Variants in EPHB1 observed in about 807,000 individuals in gnomAD.
EPHB1 encodes EPH receptor B1, also known as ephrin type-B receptor 1.
Under a neutral mutation model 94.4 loss-of-function variants are expected in EPHB1, and 30 were observed. That is an observed-to-expected ratio of 0.32 (90% CI 0.24 to 0.43). The LOEUF is 0.43. Among genes scored for constraint, EPHB1 ranks in the 20% least tolerant of loss-of-function variants. EPHB1 has a pLI of 1.00. For missense variants in EPHB1, 1,055 were observed against 1,308.3 expected (o/e 0.81, Z 2.99); for synonymous variants, 522 against 489.1 (o/e 1.07, Z -0.89).
intron 1 of EPHB1, among the ~76,000 whole-genome samples, chr3:134,857,785 C>G (rs573089826): frequency 1.3e-5 from 2 of 152,294 alleles, no homozygotes; most frequent in East Asian, 3.9e-4. Context: ...CTTTATTCCC[C>G]TCCTCTCTGT....
At chr3:134,861,181 G>T (rs1027189835) in intron 1 of EPHB1, among the ~76,000 whole-genome samples, 1 of 152,188 alleles carries the variant, frequency 6.6e-6, no homozygotes, top group South Asian at 2.1e-4. Context: ...AGGCACATAT[G>T]TACAGAGTGA....
At chr3:135,001,303 G>C (rs540545564) in intron 3 of EPHB1, among the ~76,000 whole-genome samples, 1 of 152,280 alleles carries the variant, frequency 6.6e-6, no homozygotes, top group East Asian at 1.9e-4. Flanking sequence ...CAAGGCATCT[G>C]GGAGGTTGCT....
intron 1 of EPHB1, among the ~76,000 whole-genome samples, chr3:134,823,118 T>G (rs1410264136): frequency 2.0e-5 from 3 of 152,228 alleles, no homozygotes; most frequent in Admixed American, 2.0e-4. Flanking sequence ...CTCCACTGGC[T>G]TTGCCTTGGG....
chr3:134,882,138 T>A (rs1237316847), intron 1 of EPHB1, among the ~76,000 whole-genome samples: 2 of 152,086 alleles, frequency 1.3e-5, no homozygotes. Flanking sequence ...TACACATAAA[T>A]TAGGTCCCAA....
intron 13 of EPHB1, among the ~76,000 whole-genome samples, chr3:135,243,929 G>T (rs114311348): frequency 0.062 from 9,368 of 152,212 alleles, 398 homozygotes; most frequent in Middle Eastern, 0.12. Context: ...AACCCACTCT[G>T]CCCTGGTTTC....
intron 3 of EPHB1, among the ~76,000 whole-genome samples, chr3:135,058,083 A>G (rs181957428): frequency 6.6e-6 from 1 of 152,346 alleles, no homozygotes; most frequent in Admixed American, 6.5e-5. Flanking sequence ...CTGAGGGGCC[A>G]TGAGTCAGGT....
intron 1 of EPHB1, among the ~76,000 whole-genome samples, chr3:134,922,868 CT>C (rs2038715906): frequency 6.6e-6 from 1 of 152,236 alleles, no homozygotes; most frequent in Non-Finnish European, 1.5e-5. Context: ...AGAGAAAGCA[CT>C]GCACCTTCCT....
chr3:134,798,025 A>T (rs1448571975), intron 1 of EPHB1, among the ~76,000 whole-genome samples: 2 of 152,076 alleles, frequency 1.3e-5, no homozygotes, highest in Non-Finnish European at 2.9e-5. Context: ...TTGGTTCGTG[A>T]TGAGTGAGTA....
At chr3:135,216,691 C>A (rs1437181056) in intron 12 of EPHB1, among the ~76,000 whole-genome samples, 1 of 147,530 alleles carries the variant, frequency 6.8e-6, no homozygotes, top group African/African-American at 2.5e-5. Flanking sequence ...CCACTGCACT[C>A]CAACCTGGGC....
In EPHB1 at chr3:135,101,391, T is replaced by C. The variant is rs141157156; in HGVS notation, c.806-5057T>C. ...AAGAAATGACACTTTTTTTTTTTAA[T>C]GCGACACAGTCTCACTCTGTCACCC... On this transcript the variant is annotated intron_variant, in intron 3 of 15. Transcript: ENST00000398015. Among the ~76,000 whole-genome samples, 659 of 150,860 alleles carry C rather than the reference T, an allele frequency of 4.4e-3. 4 individuals are homozygous for C. Among genetic ancestry groups the C allele is most frequent in the African/African-American group, 0.015 (627 of 41,192 alleles).
chr3:135,067,677 C>T (rs567297798), intron 3 of EPHB1: 1 of 152,264 alleles, frequency 6.6e-6, no homozygotes. Context: ...GCCAGATTCG[C>T]ACCCTCCCCT....
chr3:135,133,168 A>G, intron 5 of EPHB1, 119 bp downstream of exon 5: 1 of 1,025,926 alleles, frequency 9.7e-7, no homozygotes, highest in Non-Finnish European at 1.4e-6. Context: ...TCTGCCCAGG[A>G]GTGAAGGTGT....
At chr3:135,154,129 C>T (rs369990024) in intron 5 of EPHB1, 23 bp from the exon 6 acceptor site, 6 of 1,613,698 alleles carry the variant, frequency 3.7e-6, no homozygotes, top group Non-Finnish European at 5.1e-6. Context: ...GTTCAGCTAC[C>T]CTGTTTCTTT....
intron 11 of EPHB1, among the ~76,000 whole-genome samples, chr3:135,198,480 A>G (rs2107712056): frequency 6.6e-6 from 1 of 152,334 alleles, no homozygotes. Context: ...TTAGGCCTGC[A>G]TCATTAGGTC....
intron 1 of EPHB1, among the ~76,000 whole-genome samples, chr3:134,795,925 C>A (rs2035815713): frequency 6.6e-6 from 1 of 152,212 alleles, no homozygotes; most frequent in African/African-American, 2.4e-5. Flanking sequence ...CCCCGGCTTC[C>A]TCGCCCCGGC....
In EPHB1 at chr3:135,016,481, G is replaced by A. The variant is rs934030066; in HGVS notation, c.805+64429G>A. Among the ~76,000 whole-genome samples the A allele has an allele frequency of 1.2e-4, 18 of 152,226 alleles. 1 individual carries two copies. The highest frequency in any genetic ancestry group is 4.3e-4 in the African/African-American group (18 of 41,460). ...GAGGGGAACAAGTGATCCAACCTAAGTGAAACAATAATTCTAATAATTACA... is the reference window on the plus strand; with the variant it reads ...GAGGGGAACAAGTGATCCAACCTAAATGAAACAATAATTCTAATAATTACA... On this transcript the variant is annotated intron_variant, in intron 3 of 15. Transcript: ENST00000398015.
chr3:134,926,147 G>A (rs974170789), intron 2 of EPHB1, among the ~76,000 whole-genome samples: 17 of 152,216 alleles, frequency 1.1e-4, no homozygotes, highest in African/African-American at 4.1e-4. Flanking sequence ...GTGTGGGGAT[G>A]GGGGCACGCA....
intron 1 of EPHB1, among the ~76,000 whole-genome samples, chr3:134,846,929 T>C (rs1459646692): frequency 6.6e-6 from 1 of 152,182 alleles, no homozygotes; most frequent in African/African-American, 2.4e-5. Context: ...TTCTTTTGGA[T>C]TCTGTAGCTG....
chr3:134,917,458 G>A (rs576165367), intron 1 of EPHB1, among the ~76,000 whole-genome samples: 15 of 152,346 alleles, frequency 9.8e-5, no homozygotes, highest in African/African-American at 3.1e-4. Flanking sequence ...GCTATGCCAC[G>A]TGTGAACCAA....
Sources: gnomAD v4.1 joint callset for allele counts (sites outside exome capture counted in the v4.1 genomes callset) on GRCh38, gnomAD v4.1.1 for gene constraint, MANE v1.5 for transcripts, NCBI Gene and HGNC (gene_info 2026-07-23, HGNC 2026-07-21) for gene names.